Variants in REV1 observed in about 807,000 individuals in gnomAD.
REV1 encodes REV1 DNA directed polymerase.
In REV1, 42 loss-of-function variants were observed where a neutral mutation model predicts 137.4. The observed-to-expected ratio is 0.31, with a 90% CI of 0.24 to 0.40. The LOEUF is 0.40. Ranked by LOEUF, REV1 falls within the 10% of genes least tolerant of loss-of-function variation. REV1 has a pLI of 1.00. For missense variants in REV1, 1,282 were observed against 1,490.1 expected, an observed-to-expected ratio of 0.86 and a Z score of 2.30; for synonymous variants, 524 against 519.2, an observed-to-expected ratio of 1.01 and a Z score of -0.12.
At chr2:99,446,702 C>T (rs1268702723) in intron 4 of REV1, among the ~76,000 whole-genome samples, 2 of 152,082 alleles carry the variant, frequency 1.3e-5, no homozygotes, top group African/African-American at 2.4e-5. Flanking sequence ...ACCATATTGG[C>T]CAGGCTGGTC....
In REV1 at chr2:99,429,931, A is replaced by G. The variant is rs1329760280; in HGVS notation, c.1456T>C (p.Ser486Pro). 1 of 1,597,976 alleles carries G rather than the reference A, an allele frequency of 6.3e-7. No individual in the cohort carries two copies. Among genetic ancestry groups the G allele is most frequent in the Admixed American group, 1.7e-5 (1 of 57,954 alleles). The change falls in exon 9 of 23, where the codon TCA (serine) becomes CCA (proline). Residue 486 changes from serine (S) to proline (P), a missense_variant. Physicochemically the swap from Ser to Pro is moderately conservative, Grantham distance 74. This residue lies in a region of REV1 where 432 missense variants were observed against 438.0 expected (regional missense o/e 0.99). Coordinates refer to ENST00000258428, the MANE Select transcript of REV1 (RefSeq NM_016316.4). ...GCAGAATCTGGATTCTCCCACAATG[A>G]TGAATCTGGTATATCTGCTTTAAAA... Reference protein sequence around the residue: ...KGKAADIPDSSLWENPDSAQA... With the variant: ...KGKAADIPDSPLWENPDSAQA...
intron 14 of REV1, among the ~76,000 whole-genome samples, chr2:99,409,187 G>C (rs1243381634): frequency 6.6e-6 from 1 of 152,128 alleles, no homozygotes; most frequent in Non-Finnish European, 1.5e-5. Context: ...ATAACAGGTA[G>C]GTAAATATAA....
In REV1 at chr2:99,462,546, G is replaced by C. The variant is rs750839029; in HGVS notation, c.131C>G (p.Thr44Ser). Reference protein sequence around the residue: ...RSDAAMQKDGTSSTIFSGVAI... With the variant: ...RSDAAMQKDGSSSTIFSGVAI... ...AACTCCACTAAAAATTGTAGATGAAGTCCCATCCTTCTGCATAGCAGCATC... is the reference window on the plus strand; with the variant it reads ...AACTCCACTAAAAATTGTAGATGAACTCCCATCCTTCTGCATAGCAGCATC... Residue 44 changes from threonine (T) to serine (S), a missense_variant, in exon 3 of 23, where the codon ACT becomes AGT. Thr to Ser is a moderately conservative substitution (Grantham distance 58). Around this residue, in one of 7 missense-constraint regions of REV1, gnomAD observed 107 missense variants for 164.3 expected, o/e 0.65. Coordinates refer to ENST00000258428, the MANE Select transcript of REV1 (RefSeq NM_016316.4). 1 of 1,613,514 alleles carries C rather than the reference G, an allele frequency of 6.2e-7. No homozygotes were observed. The highest frequency in any genetic ancestry group is 2.2e-5 in the East Asian group (1 of 44,832).
At chr2:99,405,865 T>A in intron 17 of REV1, 45 bp downstream of exon 17, 2 of 1,226,636 alleles carry the variant, frequency 1.6e-6, no homozygotes, top group Admixed American at 2.7e-5. Context: ...GTATTTATAT[T>A]TAGGAGTATA....
At position 99,401,470 on chromosome 2, in the gene REV1, T is replaced by C. The variant is rs1574952468; in HGVS notation, c.3645-118A>G. ...AAAAAAAAAAAAAGTCCTGGCCAGG[T>C]GCGGTGTGGCTCATGCCTGTAATCC... On this transcript the variant is annotated intron_variant, in intron 22 of 22. Coordinates refer to ENST00000258428, the MANE Select transcript of REV1 (RefSeq NM_016316.4). 1.4e-5 allele frequency: 9 copies of C among 625,058 alleles called. No individual in the cohort carries two copies. The South Asian group carries it at 2.0e-4, about 14-fold the overall frequency. 38.7% of individuals were successfully genotyped at this position (625,058 alleles called of 1,614,324 possible).
chr2:99,418,001 T>C (rs1384300214), intron 12 of REV1, among the ~76,000 whole-genome samples: 3 of 152,220 alleles, frequency 2.0e-5, no homozygotes, highest in African/African-American at 7.2e-5. Flanking sequence ...AGTTATATAC[T>C]ACGGGGGTCA....
At position 99,420,281 on chromosome 2, in the gene REV1, G is replaced by A. The variant is rs535824650; in HGVS notation, c.1831+1218C>T. On this transcript the variant is annotated intron_variant, in intron 11 of 22. Coordinates refer to ENST00000258428, the MANE Select transcript of REV1 (RefSeq NM_016316.4). ...TTAAAAATCCTGCTGGCTGGGGAGAGACTGCCCTCCCAGGGCTGGCTAATT... is the reference window on the plus strand; with the variant it reads ...TTAAAAATCCTGCTGGCTGGGGAGAAACTGCCCTCCCAGGGCTGGCTAATT... 3.4e-3 allele frequency among the ~76,000 whole-genome samples: 515 copies of A among 152,280 alleles called. 3 individuals carry two copies. The highest frequency in any genetic ancestry group is 0.011 in the African/African-American group (446 of 41,538).
At chr2:99,464,702 C>T (rs1179243941) in intron 2 of REV1, among the ~76,000 whole-genome samples, 1 of 152,066 alleles carries the variant, frequency 6.6e-6, no homozygotes, top group Admixed American at 6.6e-5. Context: ...AATTATTGTG[C>T]ACTAGGCATA....
intron 1 of REV1, among the ~76,000 whole-genome samples, chr2:99,471,297 C>A (rs1461587002): frequency 6.6e-6 from 1 of 152,146 alleles, no homozygotes; most frequent in Non-Finnish European, 1.5e-5. Context: ...AACCCAGGGT[C>A]ATCTGTGTTT....
intron 3 of REV1, among the ~76,000 whole-genome samples, chr2:99,450,363 T>C (rs897184777): frequency 6.6e-6 from 1 of 152,212 alleles, no homozygotes; most frequent in Non-Finnish European, 1.5e-5. Context: ...CTGTTCTCTT[T>C]CTTTCACCTA....
intron 1 of REV1, among the ~76,000 whole-genome samples, chr2:99,485,527 T>C (rs1409218841): frequency 6.6e-6 from 1 of 152,212 alleles, no homozygotes; most frequent in African/African-American, 2.4e-5. Context: ...CTTTCCTGTC[T>C]GAAGACACGA....
In REV1 at chr2:99,423,014, G is replaced by A. The variant is rs540460245; in HGVS notation, c.1676+1138C>T. ...CCTGTATTTGGGATTTATTTATTTA[G>A]TTACCCAACTTATAACTGGAAAGTT... is the stretch of plus-strand genomic sequence containing the variant. On this transcript the variant is annotated intron_variant, in intron 10 of 22. Transcript: ENST00000258428. Among the ~76,000 whole-genome samples, 9 of 152,232 alleles carry A rather than the reference G, an allele frequency of 5.9e-5. No homozygotes were observed. The South Asian group carries it at 1.9e-3, about 32-fold the overall frequency.
intron 10 of REV1, among the ~76,000 whole-genome samples, chr2:99,423,796 A>G (rs1319362177): frequency 2.6e-5 from 4 of 152,238 alleles, no homozygotes; most frequent in African/African-American, 9.6e-5. Context: ...CAAAACTATA[A>G]TTAAAATGAA....
At chr2:99,420,288 C>T (rs1262191891) in intron 11 of REV1, among the ~76,000 whole-genome samples, 1 of 152,170 alleles carries the variant, frequency 6.6e-6, no homozygotes, top group Non-Finnish European at 1.5e-5. Context: ...AGAGACTGCC[C>T]TCCCAGGGCT....
intron 1 of REV1, among the ~76,000 whole-genome samples, chr2:99,472,442 A>G (rs1315149716): frequency 6.6e-6 from 1 of 152,222 alleles, no homozygotes; most frequent in Non-Finnish European, 1.5e-5. Context: ...AGAGTTCTGG[A>G]GATGGATAGT....
intron 6 of REV1, among the ~76,000 whole-genome samples, chr2:99,436,957 G>C (rs941455075): frequency 1.3e-5 from 2 of 151,106 alleles, no homozygotes; most frequent in Non-Finnish European, 2.9e-5. Context: ...GACTGTGATA[G>C]CATGTACCTA....
chr2:99,472,714 G>GT (rs1475170861), intron 1 of REV1, among the ~76,000 whole-genome samples: 2 of 152,232 alleles, frequency 1.3e-5, no homozygotes, highest in Non-Finnish European at 2.9e-5. Context: ...TGAATTGGCA[G>GT]TAGTGGGAGG....
At chr2:99,462,439 A>C (rs1684327238) in intron 3 of REV1, 57 bp downstream of exon 3, 2 of 1,485,234 alleles carry the variant, frequency 1.3e-6, no homozygotes, top group Non-Finnish European at 9.2e-7. Context: ...AAAACAAATC[A>C]TTCTCAATCC....
chr2:99,435,783 A>G (rs759584414), intron 7 of REV1, 51 bp downstream of exon 7: 3 of 910,498 alleles, frequency 3.3e-6, no homozygotes, highest in Non-Finnish European at 5.1e-6. Flanking sequence ...CTTTGAATAT[A>G]TATTTATAAC....
Sources: allele counts gnomAD v4.1 joint callset (sites outside exome capture counted in the v4.1 genomes callset), GRCh38; gene constraint gnomAD v4.1.1; regional missense constraint gnomAD v4.1.1; transcripts MANE v1.5; gene names NCBI Gene and HGNC (gene_info 2026-07-23, HGNC 2026-07-21).